SETX: variants seen among roughly 807,000 people sequenced by gnomAD.
SETX encodes senataxin.
Under a neutral mutation model 227.2 loss-of-function variants are expected in SETX, and 90 were observed. The ratio of observed to expected loss-of-function variants is 0.40; its 90% CI spans 0.33 to 0.47. The LOEUF is 0.47. SETX is among the 20% of genes least tolerant of loss of function. SETX has a pLI of 0.91. For synonymous variants in SETX, 1,210 were observed against 1,113.2 expected, an observed-to-expected ratio of 1.09 and a Z score of -1.73; for missense variants, 3,052 against 3,181.5, an observed-to-expected ratio of 0.96 and a Z score of 0.98.
chr9:132,352,948 T>C (rs1390804362), intron 2 of SETX, among the ~76,000 whole-genome samples: 2 of 152,188 alleles, frequency 1.3e-5, no homozygotes, highest in African/African-American at 2.4e-5. Flanking sequence ...TACCCCTTAA[T>C]TACATCTCTA....
At chr9:132,285,457 C>T (rs1416937887) in intron 18 of SETX, among the ~76,000 whole-genome samples, 1 of 152,140 alleles carries the variant, frequency 6.6e-6, no homozygotes, top group Non-Finnish European at 1.5e-5. Flanking sequence ...TGAGAAAAGC[C>T]CATAGCTGGC....
intron 3 of SETX, among the ~76,000 whole-genome samples, chr9:132,347,044 C>CG (rs1303938961): frequency 6.6e-6 from 1 of 151,882 alleles, no homozygotes; most frequent in African/African-American, 2.4e-5. Context: ...CACCTGAGGT[C>CG]GGGAGTTCAG....
chr9:132,311,112 A>G (rs7863055), intron 11 of SETX, among the ~76,000 whole-genome samples: 38,048 of 151,932 alleles, frequency 0.25, 6,067 homozygotes, highest in East Asian at 0.67. Context: ...GACTACAGGC[A>G]CCCGCCACCA....
chr9:132,312,102 A>G (rs1845700953), intron 10 of SETX, among the ~76,000 whole-genome samples: 1 of 152,214 alleles, frequency 6.6e-6, no homozygotes, highest in Non-Finnish European at 1.5e-5. Context: ...TCTGTTCTTC[A>G]AACTAGTCAC....
At chr9:132,300,510 C>T in intron 12 of SETX, 120 bp downstream of exon 12, 2 of 1,124,132 alleles carry the variant, frequency 1.8e-6, no homozygotes, top group Non-Finnish European at 2.7e-6. Context: ...ATGTAATCAA[C>T]ATAGCAAAAA....
intron 14 of SETX, among the ~76,000 whole-genome samples, chr9:132,296,340 G>A (rs1014814796): frequency 1.3e-5 from 2 of 152,118 alleles, no homozygotes; most frequent in Non-Finnish European, 2.9e-5. Flanking sequence ...ATCACTTGAG[G>A]TCAGGAGCTC....
At chr9:132,315,741 C>CT (rs1450228741) in intron 10 of SETX, among the ~76,000 whole-genome samples, 1 of 152,184 alleles carries the variant, frequency 6.6e-6, no homozygotes, top group Middle Eastern at 3.2e-3. Context: ...TGCTGTTATT[C>CT]TTCCTTACCC....
intron 6 of SETX, among the ~76,000 whole-genome samples, chr9:132,335,192 C>T (rs970526666): frequency 2.6e-5 from 4 of 151,746 alleles, no homozygotes; most frequent in South Asian, 4.2e-4. Flanking sequence ...AGATCGAGAC[C>T]ATCCTGGCTA....
intron 11 of SETX, among the ~76,000 whole-genome samples, chr9:132,304,632 CAAAA>C (rs34179466): frequency 1.9e-5 from 2 of 104,604 alleles, no homozygotes; most frequent in East Asian, 2.3e-4. Flanking sequence ...GACCCTGTTT[CAAAA>C]AAAAAAAAAA....
intron 10 of SETX, among the ~76,000 whole-genome samples, chr9:132,323,215 T>C (rs1846479340): frequency 6.6e-6 from 1 of 152,186 alleles, no homozygotes; most frequent in Admixed American, 6.5e-5. Context: ...AATATCATCA[T>C]GCACCACACA....
At chr9:132,284,577 A>G (rs1219466511) in intron 18 of SETX, among the ~76,000 whole-genome samples, 2 of 152,224 alleles carry the variant, frequency 1.3e-5, no homozygotes, top group Non-Finnish European at 2.9e-5. Context: ...CCAAGCTTCA[A>G]TGAGTCTAAA....
In SETX at chr9:132,328,549, AAAT is replaced by A. The variant is rs765663814; in HGVS notation, c.3046_3048del (p.Ile1016del). ...TCATCATCATCATCATCAGAATCTG[AAAT>A]AATAATAACCTGTCCACGGGAGGTA... On this transcript the variant is annotated inframe_deletion, in exon 10 of 26. Coordinates refer to ENST00000224140, the MANE Select transcript of SETX (RefSeq NM_015046.7). 30 of 1,613,948 alleles carry A rather than the reference AAAT, an allele frequency of 1.9e-5. No homozygotes were observed. The highest frequency in any genetic ancestry group is 1.6e-4 in the Middle Eastern group (1 of 6,084).
At chr9:132,337,817 C>A (rs944974414) in intron 5 of SETX, among the ~76,000 whole-genome samples, 1 of 152,132 alleles carries the variant, frequency 6.6e-6, no homozygotes, top group Non-Finnish European at 1.5e-5. Flanking sequence ...TTAATGAATG[C>A]TAAATTTAGG....
At chr9:132,345,863 C>T (rs989650838) in intron 4 of SETX, among the ~76,000 whole-genome samples, 15 of 152,168 alleles carry the variant, frequency 9.9e-5, no homozygotes, top group African/African-American at 3.6e-4. Flanking sequence ...ATAAACACAA[C>T]ATAAAATTAG....
Position 132,326,781 on chromosome 9 carries a change from C to G in SETX, c.4817G>C (p.Arg1606Pro), listed in dbSNP as rs1339829880. Residue 1606 changes from arginine (R) to proline (P), a missense_variant, in exon 10 of 26, where the codon CGA becomes CCA. Around this residue, in one of 10 missense-constraint regions of SETX, gnomAD observed 1,483 missense variants for 1,312.0 expected, o/e 1.13. Coordinates refer to ENST00000224140, the MANE Select transcript of SETX (RefSeq NM_015046.7). ...TKIFSSKSTS[R>P]IAGLSKSLET... Reference sequence around the variant, plus strand: ...CAAAGATTTAGAAAGACCAGCAATTCGTGAAGTACTCTTTGAGCTAAAAAT... The same window carrying G: ...CAAAGATTTAGAAAGACCAGCAATTGGTGAAGTACTCTTTGAGCTAAAAAT... 1 of 1,614,130 alleles carries G rather than the reference C, an allele frequency of 6.2e-7. No homozygotes were observed. Among genetic ancestry groups the G allele is most frequent in the South Asian group, 1.1e-5 (1 of 91,076 alleles).
At chr9:132,301,873 G>T (rs1845016404) in intron 11 of SETX, among the ~76,000 whole-genome samples, 2 of 152,148 alleles carry the variant, frequency 1.3e-5, no homozygotes, top group African/African-American at 2.4e-5. Flanking sequence ...GAAAGCACTG[G>T]AATAAAGTTC....
intron 2 of SETX, among the ~76,000 whole-genome samples, chr9:132,350,451 A>G (rs1270836480): frequency 6.6e-6 from 1 of 152,210 alleles, no homozygotes; most frequent in Non-Finnish European, 1.5e-5. Context: ...CCTAAAATTC[A>G]GAATACATAA....
chr9:132,300,011 T>A (rs891046647), intron 12 of SETX, among the ~76,000 whole-genome samples: 2 of 150,690 alleles, frequency 1.3e-5, no homozygotes, highest in African/African-American at 4.9e-5. Flanking sequence ...ATGCCTATAA[T>A]CCCAGCTACT....
intron 23 of SETX, among the ~76,000 whole-genome samples, chr9:132,272,340 G>T (rs1286250953): frequency 6.6e-6 from 1 of 151,786 alleles, no homozygotes; most frequent in Non-Finnish European, 1.5e-5. Flanking sequence ...GTAGAGATGG[G>T]GTCTTGCCAT....
Sources: gnomAD v4.1 joint callset for allele counts (sites outside exome capture counted in the v4.1 genomes callset) on GRCh38, gnomAD v4.1.1 for gene constraint, gnomAD v4.1.1 regional missense constraint, MANE v1.5 for transcripts, NCBI Gene and HGNC (gene_info 2026-07-23, HGNC 2026-07-21) for gene names.